PCNX2: variants seen among roughly 807,000 people sequenced by gnomAD.
PCNX2 encodes pecanex-like protein 2.
Under a neutral mutation model 223.8 loss-of-function variants are expected in PCNX2, and 168 were observed. The observed-to-expected ratio is 0.75, with a 90% CI of 0.66 to 0.85. The LOEUF (loss-of-function observed/expected upper bound fraction) is 0.85. PCNX2 is among the 40% of genes least tolerant of loss of function. The probability of loss-of-function intolerance (pLI) is 0.00; values close to 1 mark genes in which losing one functional copy is unlikely to be tolerated. For synonymous variants in PCNX2, 1,006 were observed against 1,052.6 expected, an observed-to-expected ratio of 0.96 and a Z score of 0.86; for missense variants, 2,507 against 2,675.5, an observed-to-expected ratio of 0.94 and a Z score of 1.39.
At chr1:233,155,005 G>A (rs1311375317) in intron 19 of PCNX2, among the ~76,000 whole-genome samples, 1 of 145,312 alleles carries the variant, frequency 6.9e-6, no homozygotes, top group African/African-American at 2.6e-5. Context: ...GAGGGTGGAA[G>A]TTGGGTGAGC....
rs1676117561 is a variant in PCNX2, at chr1:233,126,668, T to C, written c.3837+8345A>G. Among the ~76,000 whole-genome samples, 1 of 152,216 alleles carries C rather than the reference T, an allele frequency of 6.6e-6. No individual in the cohort carries two copies. On this transcript the variant is annotated intron_variant, in intron 21 of 33. Transcript: ENST00000258229. This position sits in a 1 kb window ranked among gnomAD's most constrained non-coding sequence, Gnocchi z 4.8. ...TTTTTTGTATTTTCCATTGCTTTTC[T>C]AATTTTATCATGATAAGAATATATT...
At position 233,079,216 on chromosome 1, in the gene PCNX2, C is replaced by T. The variant is rs12410883; in HGVS notation, c.4076+10845G>A. ...TTATGGCAATAAAGGTATGCTTTTG[C>T]GCCATCACTCTCTAAAACTAAAAGG... On this transcript the variant is annotated intron_variant, in intron 23 of 33. Coordinates refer to ENST00000258229, the MANE Select transcript of PCNX2 (RefSeq NM_014801.4). Among the ~76,000 whole-genome samples, 1,287 of 152,202 alleles carry T rather than the reference C, an allele frequency of 8.5e-3. 61 individuals are homozygous for T. The highest frequency in any genetic ancestry group is 0.068 in the Admixed American group (1,044 of 15,284).
chr1:233,284,686 T>G (rs778114628), intron 1 of PCNX2, among the ~76,000 whole-genome samples: 1 of 152,172 alleles, frequency 6.6e-6, no homozygotes, highest in Non-Finnish European at 1.5e-5. Context: ...TCTGTTGTCA[T>G]AGACATAAGT....
At chr1:233,276,567 G>C (rs918897786) in intron 1 of PCNX2, among the ~76,000 whole-genome samples, 1 of 152,164 alleles carries the variant, frequency 6.6e-6, no homozygotes, top group Non-Finnish European at 1.5e-5. Flanking sequence ...TGAGAAATAT[G>C]AACAACCAAA....
intron 28 of PCNX2, among the ~76,000 whole-genome samples, chr1:233,014,019 C>A (rs763693239): frequency 6.6e-6 from 1 of 152,140 alleles, no homozygotes; most frequent in Non-Finnish European, 1.5e-5. Flanking sequence ...TTGAAGCTGA[C>A]TGATGAAATT....
intron 23 of PCNX2, among the ~76,000 whole-genome samples, chr1:233,064,710 T>C (rs137994031): frequency 9.0e-4 from 137 of 152,288 alleles, no homozygotes; most frequent in African/African-American, 2.9e-3. Flanking sequence ...CCAACTTTAT[T>C]ATTATGCTCA....
intron 15 of PCNX2, among the ~76,000 whole-genome samples, chr1:233,187,132 C>T (rs1680141653): frequency 2.0e-5 from 3 of 152,202 alleles, no homozygotes; most frequent in Admixed American, 1.3e-4. Context: ...CCCATGCATT[C>T]GGCAGCGACT....
At chr1:233,298,883 A>AAAACAAAC (rs146968053), upstream of PCNX2, among the ~76,000 whole-genome samples, 322 of 151,538 alleles carry the variant, frequency 2.1e-3, 2 homozygotes, top group East Asian at 0.018. Flanking sequence ...CTGCATCTCA[A>AAAACAAAC]AAACAAACAA....
the PCNX2 span, among the ~76,000 whole-genome samples, chr1:233,301,749 A>G: frequency 6.6e-6 from 1 of 152,092 alleles, no homozygotes; most frequent in Admixed American, 6.6e-5. Context: ...CATTAAAAGG[A>G]AAGAATATAC....
At chr1:233,141,590 C>T (rs112782753) in intron 19 of PCNX2, among the ~76,000 whole-genome samples, 6 of 152,188 alleles carry the variant, frequency 3.9e-5, no homozygotes, top group Non-Finnish European at 5.9e-5. Context: ...CACTTGAACC[C>T]GGAACCCGGG....
At chr1:233,161,677 A>G (rs1678492211) in intron 17 of PCNX2, among the ~76,000 whole-genome samples, 1 of 152,140 alleles carries the variant, frequency 6.6e-6, no homozygotes, top group Non-Finnish European at 1.5e-5. Flanking sequence ...AGGTTCTTGT[A>G]AGGTTCTTGT....
chr1:233,126,514 TG>T lies in PCNX2; in HGVS notation c.3837+8498del, dbSNP rs1676108307. The stretch of plus-strand genomic sequence containing the variant: ...TTTAAATTTGTGTGGTGTGTGTGTG[TG>T]TTTGTGTGTGTGTGTGTGTGTGTAA... On this transcript the variant is annotated intron_variant, in intron 21 of 33. Transcript: ENST00000258229. This position sits in a 1 kb window ranked among gnomAD's most constrained non-coding sequence, Gnocchi z 4.8. 1.4e-5 allele frequency among the ~76,000 whole-genome samples: 2 copies of T among 141,344 alleles called. No individual in the cohort carries two copies. The highest frequency in any genetic ancestry group is 3.5e-3 in the Middle Eastern group (1 of 282). The allele number at this position is 141,344 out of a possible 152,430, so 92.7% of individuals were successfully genotyped here.
In PCNX2 at chr1:233,160,352, G is replaced by A. The variant is rs775020447; in HGVS notation, c.3448C>T (p.His1150Tyr). Residue 1150 changes from histidine to tyrosine, a missense_variant, in exon 19 of 34, where the codon CAT becomes TAT. Around this residue, in one of 3 missense-constraint regions of PCNX2, gnomAD observed 1,372 missense variants for 1,509.4 expected, o/e 0.91. Coordinates refer to ENST00000258229, the MANE Select transcript of PCNX2 (RefSeq NM_014801.4). The part of the protein sequence containing the change: ...THYVLPQLRK[H>Y]HPWMWISHPI... ...TGTGAAATCCACATCCAGGGATGAT[G>A]CTTGCGGAGCTGAGGGAGCACGTAA... 5.6e-6 allele frequency: 9 copies of A among 1,613,294 alleles called. No individual in the cohort carries two copies. The African/African-American group carries it at 1.2e-4, about 22-fold the overall frequency.
the PCNX2 span, among the ~76,000 whole-genome samples, chr1:233,308,087 G>A: frequency 2.0e-5 from 3 of 152,224 alleles, no homozygotes; most frequent in African/African-American, 7.2e-5. Context: ...TATGGCTTAT[G>A]ATTATAGAAC....
At chr1:233,303,706 T>G in the PCNX2 span, among the ~76,000 whole-genome samples, 1 of 152,188 alleles carries the variant, frequency 6.6e-6, no homozygotes, top group Non-Finnish European at 1.5e-5. Context: ...GTTAGTTACA[T>G]ATGTATACGT....
intron 19 of PCNX2, among the ~76,000 whole-genome samples, chr1:233,155,405 A>G (rs1311974852): frequency 6.6e-6 from 1 of 152,224 alleles, no homozygotes; most frequent in Non-Finnish European, 1.5e-5. Context: ...CATCTTAGTC[A>G]TTCCTACGTC....
At chr1:233,057,383 CA>C in intron 23 of PCNX2, 93 bp from the exon 24 acceptor site, 1 of 933,836 alleles carries the variant, frequency 1.1e-6, no homozygotes, top group Non-Finnish European at 1.7e-6. Flanking sequence ...GTGGAAAATG[CA>C]AAGGTGACAG....
chr1:233,091,303 T>C (rs1045715280), intron 22 of PCNX2, among the ~76,000 whole-genome samples: 1 of 152,180 alleles, frequency 6.6e-6, no homozygotes, highest in African/African-American at 2.4e-5. Context: ...GAGGATCTTA[T>C]TTCTGTAACC....
chr1:233,239,760 C>G (rs1658641970), intron 8 of PCNX2, among the ~76,000 whole-genome samples: 1 of 152,188 alleles, frequency 6.6e-6, no homozygotes, highest in South Asian at 2.1e-4. Context: ...ATAGGATTGA[C>G]TTTGCTTTTT....
Sources: allele counts gnomAD v4.1 joint callset (sites outside exome capture counted in the v4.1 genomes callset), GRCh38; gene constraint gnomAD v4.1.1; regional missense constraint gnomAD v4.1.1; non-coding constraint Gnocchi (gnomAD v3.1); transcripts MANE v1.5; gene names NCBI Gene and HGNC (gene_info 2026-07-23, HGNC 2026-07-21).